Variants in ATIC observed in about 807,000 individuals in gnomAD.
ATIC encodes bifunctional purine biosynthesis protein ATIC.
In ATIC, 64 loss-of-function variants were observed where a neutral mutation model predicts 72.5. The ratio of observed to expected loss-of-function variants is 0.88; its 90% CI spans 0.72 to 1.09. The LOEUF (loss-of-function observed/expected upper bound fraction) is 1.09, where lower values mean the gene tolerates loss of function less well. Among genes scored for constraint, ATIC ranks in the 50% least tolerant of loss-of-function variants. ATIC has a pLI of 0.00. For missense variants in ATIC, 787 were observed against 732.4 expected, an observed-to-expected ratio of 1.07 and a Z score of -0.86; for synonymous variants, 281 against 267.1, an observed-to-expected ratio of 1.05 and a Z score of -0.51.
chr2:215,336,253 C>A, intron 11 of ATIC, 129 bp downstream of exon 11: 1 of 753,072 alleles, frequency 1.3e-6, no homozygotes, highest in Admixed American at 2.5e-5. Flanking sequence ...TTCCCCAATC[C>A]TGCATTTAAA....
intron 3 of ATIC, 35 bp downstream of exon 3, chr2:215,318,268 A>T: frequency 6.4e-7 from 1 of 1,571,106 alleles, no homozygotes; most frequent in Non-Finnish European, 8.8e-7. Context: ...AAAAACAGTC[A>T]GTGGTTTCCA....
chr2:215,325,965 A>C (rs764681640), intron 5 of ATIC, 22 bp from the exon 6 acceptor site: 2 of 1,613,674 alleles, frequency 1.2e-6, no homozygotes, highest in East Asian at 4.5e-5. Context: ...ACAAAAATCA[A>C]TAAGTCTTTT....
At chr2:215,329,840 A>T (rs1399548345) in intron 7 of ATIC, among the ~76,000 whole-genome samples, 1 of 151,812 alleles carries the variant, frequency 6.6e-6, no homozygotes, top group Non-Finnish European at 1.5e-5. Context: ...TCGGCTCACC[A>T]CAACCTCCGC....
At chr2:215,327,523 T>A (rs1200986589) in intron 7 of ATIC, among the ~76,000 whole-genome samples, 1 of 152,222 alleles carries the variant, frequency 6.6e-6, no homozygotes, top group Non-Finnish European at 1.5e-5. Context: ...AAAGTAGGAC[T>A]TTCTCTGGGT....
the ATIC span, among the ~76,000 whole-genome samples, chr2:215,357,095 G>A: frequency 5.9e-5 from 9 of 152,144 alleles, no homozygotes; most frequent in African/African-American, 2.2e-4. Context: ...ACATTTTTGA[G>A]TCAAAAATAG....
intron 12 of ATIC, among the ~76,000 whole-genome samples, 157 bp from the exon 13 acceptor site, chr2:215,344,622 C>T (rs1285418944): frequency 1.3e-5 from 2 of 151,990 alleles, no homozygotes; most frequent in South Asian, 2.1e-4. Flanking sequence ...TTACAGTGAG[C>T]CGAGATTGTG....
chr2:215,314,586 C>T (rs1271058561), intron 2 of ATIC, among the ~76,000 whole-genome samples: 1 of 151,972 alleles, frequency 6.6e-6, no homozygotes, highest in Non-Finnish European at 1.5e-5. Flanking sequence ...GCAACCTCTG[C>T]CTCCCAGGTT....
rs201969051 is a variant in ATIC, at chr2:215,344,883, G to A, written c.1320+12G>A. On this transcript the variant is annotated intron_variant, in intron 13 of 15. Transcript: ENST00000236959. ...CCAAGAACGGGCAGGTAAGTGGGCTGTTGGACTCGCCTTCGGGGGACTGTT... is the reference window on the plus strand; with the variant it reads ...CCAAGAACGGGCAGGTAAGTGGGCTATTGGACTCGCCTTCGGGGGACTGTT... 781 of 1,611,676 alleles carry A rather than the reference G, an allele frequency of 4.8e-4. No homozygotes were observed. Among genetic ancestry groups the A allele is most frequent in the Non-Finnish European group, 6.4e-4 (754 of 1,177,912 alleles).
downstream of ATIC, among the ~76,000 whole-genome samples, chr2:215,352,490 G>T (rs1443701950): frequency 1.3e-5 from 2 of 151,972 alleles, no homozygotes; most frequent in African/African-American, 4.8e-5. Flanking sequence ...GCTGAGGCAG[G>T]AGAATTGCTT....
the ATIC span, among the ~76,000 whole-genome samples, chr2:215,359,319 G>T: frequency 0.018 from 2,671 of 152,256 alleles, 52 homozygotes; most frequent in Non-Finnish European, 0.024. Context: ...TTCAGATGAA[G>T]GGCCTGCTTT....
chr2:215,345,026 G>A (rs2053058275), intron 13 of ATIC, 155 bp downstream of exon 13: 1 of 796,208 alleles, frequency 1.3e-6, no homozygotes. Flanking sequence ...ACCCTGGTGG[G>A]CTGTTAAAAC....
rs138007257 is a variant in ATIC, at chr2:215,327,651, C to T, written c.688+673C>T. On this transcript the variant is annotated intron_variant, in intron 7 of 15. Coordinates refer to ENST00000236959, the MANE Select transcript of ATIC (RefSeq NM_004044.7). ...TAGGGGCAGGGACAGAGGTGAGAGT[C>T]CCAGGCATGGAGGCCTTGGAATCCC... Among the ~76,000 whole-genome samples the T allele has an allele frequency of 3.7e-4, 57 of 152,248 alleles. No homozygotes were observed. The East Asian group carries it at 0.01, about 27-fold the overall frequency.
the ATIC span, among the ~76,000 whole-genome samples, chr2:215,358,917 CTG>C: frequency 2.3e-4 from 35 of 152,374 alleles, no homozygotes; most frequent in African/African-American, 8.4e-4. Flanking sequence ...AAGTCTCACT[CTG>C]TCGCCCATGC....
intron 12 of ATIC, among the ~76,000 whole-genome samples, chr2:215,340,172 T>C (rs1159061252): frequency 6.6e-6 from 1 of 152,184 alleles, no homozygotes; most frequent in African/African-American, 2.4e-5. Flanking sequence ...TGTTACCTTG[T>C]AGTAAGGACA....
At position 215,332,488 on chromosome 2, in the gene ATIC, C is replaced by A; in HGVS notation, c.795C>A (p.Phe265Leu). Residue 265 changes from phenylalanine to leucine, a missense_variant, in exon 8 of 16, where the codon TTC (phenylalanine) becomes TTA (leucine). Coordinates refer to ENST00000236959, the MANE Select transcript of ATIC (RefSeq NM_004044.7). ...EALGIPAAAS[F>L]KHVSPAGAAV... ...TAGGTATTCCAGCCGCTGCCTCTTT[C>A]AAACATGTCAGCCCAGCAGGTAAAG... 1 of 1,614,148 alleles carries A rather than the reference C, an allele frequency of 6.2e-7. No individual in the cohort carries two copies. The highest frequency in any genetic ancestry group is 8.5e-7 in the Non-Finnish European group (1 of 1,180,038).
chr2:215,359,288 A>G, the ATIC span, among the ~76,000 whole-genome samples: 2 of 152,166 alleles, frequency 1.3e-5, no homozygotes, highest in Admixed American at 1.3e-4. Context: ...ATGTTTTTAG[A>G]TATCAAGGCT....
chr2:215,340,541 G>C (rs2053008118), intron 12 of ATIC, among the ~76,000 whole-genome samples: 1 of 152,176 alleles, frequency 6.6e-6, no homozygotes, highest in South Asian at 2.1e-4. Flanking sequence ...AAAAACTGTA[G>C]CGATATTTTG....
At chr2:215,345,846 G>T (rs1265435290) in intron 13 of ATIC, among the ~76,000 whole-genome samples, 1 of 152,218 alleles carries the variant, frequency 6.6e-6, no homozygotes, top group Non-Finnish European at 1.5e-5. Flanking sequence ...GCTGTGGGCA[G>T]GGTTGCCAGC....
chr2:215,319,594 A>G (rs185040413), intron 3 of ATIC, 71 bp from the exon 4 acceptor site: 60 of 1,111,814 alleles, frequency 5.4e-5, no homozygotes, highest in Non-Finnish European at 7.9e-5. Context: ...TGAAGACACT[A>G]TGTTGAAAGA....
Sources: gnomAD v4.1 joint callset for allele counts (sites outside exome capture counted in the v4.1 genomes callset) on GRCh38, gnomAD v4.1.1 for gene constraint, MANE v1.5 for transcripts, NCBI Gene and HGNC (gene_info 2026-07-23, HGNC 2026-07-21) for gene names.